ANKRD17: variants seen among roughly 807,000 people sequenced by gnomAD.
ANKRD17 encodes ankyrin repeat domain-containing protein 17.
ANKRD17 carries 19 observed loss-of-function variants against 229.7 expected under a neutral mutation model. The ratio of observed to expected loss-of-function variants is 0.08; its 90% confidence interval spans 0.06 to 0.12. The LOEUF (loss-of-function observed/expected upper bound fraction) is 0.12, where lower values mean the gene tolerates loss of function less well. Ranked by LOEUF, ANKRD17 falls within the 10% of genes least tolerant of loss-of-function variation. The pLI is 1.00. For synonymous variants in ANKRD17, 1,112 were observed against 1,146.1 expected (o/e 0.97, Z 0.60); for missense variants, 2,176 against 3,176.8 (o/e 0.68, Z 7.57).
At chr4:73,250,904 A>C (rs1363171414) in intron 1 of ANKRD17, among the ~76,000 whole-genome samples, 1 of 152,000 alleles carries the variant, frequency 6.6e-6, no homozygotes, top group Non-Finnish European at 1.5e-5. Context: ...CTGATGTTTC[A>C]AATGTAAAAT....
In ANKRD17 at chr4:73,094,186, C is replaced by G. The variant is rs1327569891; in HGVS notation, c.5220G>C (p.Val1740=). 1 of 1,613,740 alleles carries G rather than the reference C, an allele frequency of 6.2e-7. No homozygotes were observed. The highest frequency in any genetic ancestry group is 2.2e-5 in the East Asian group (1 of 44,782). The change falls in exon 28 of 34, where the codon GTG becomes GTC. Residue 1740 remains valine, a synonymous_variant. Coordinates refer to ENST00000358602, the MANE Select transcript of ANKRD17 (RefSeq NM_032217.5). The part of the protein sequence containing the change: ...VSVPSTVISR[V]IGRGGCNINA... The stretch of plus-strand genomic sequence containing the variant: ...TGATATTACAGCCTCCTCTTCCAAT[C>G]ACTCTGGATATCACAGTTGATGGAA...
At chr4:73,092,340 ACTTTT>A (rs1010781902) in intron 28 of ANKRD17, 40 bp from the exon 29 acceptor site, 56 of 1,516,812 alleles carry the variant, frequency 3.7e-5, no homozygotes, top group Non-Finnish European at 4.9e-5. Context: ...AATTTTCCCT[ACTTTT>A]GAGTATGTAA....
At chr4:73,168,371 A>G (rs1248002526) in intron 2 of ANKRD17, among the ~76,000 whole-genome samples, 1 of 152,140 alleles carries the variant, frequency 6.6e-6, no homozygotes, top group African/African-American at 2.4e-5. Flanking sequence ...TGTCTTTAAA[A>G]TGATTATAGA....
At chr4:73,118,968 C>T in intron 21 of ANKRD17, 118 bp from the exon 22 acceptor site, 2 of 1,046,486 alleles carry the variant, frequency 1.9e-6, no homozygotes, top group African/African-American at 1.7e-5. Context: ...CTCACTGCAG[C>T]CTCCACCTCC....
chr4:73,231,793 G>A (rs183575049), intron 1 of ANKRD17, among the ~76,000 whole-genome samples: 2 of 152,232 alleles, frequency 1.3e-5, no homozygotes, highest in African/African-American at 4.8e-5. Flanking sequence ...CTCCAAAAAG[G>A]GGAGAATAAA....
intron 29 of ANKRD17, 51 bp from the exon 30 acceptor site, chr4:73,085,497 T>C (rs781664612): frequency 6.2e-6 from 9 of 1,459,198 alleles, no homozygotes; most frequent in Non-Finnish European, 5.7e-6. Flanking sequence ...CTGCAAGAAA[T>C]AGAGATACCT....
At chr4:73,242,983 G>GTTT (rs1465009552) in intron 1 of ANKRD17, among the ~76,000 whole-genome samples, 4 of 152,168 alleles carry the variant, frequency 2.6e-5, no homozygotes, top group African/African-American at 9.7e-5. Context: ...TGGTGTAAGG[G>GTTT]GAGAAAGTTC....
chr4:73,142,339 C>G lies in ANKRD17; in HGVS notation c.2132G>C (p.Ser711Thr). The G allele has an allele frequency of 6.3e-7, 1 of 1,586,080 alleles. No homozygotes were observed. Among genetic ancestry groups the G allele is most frequent in the Non-Finnish European group, 8.5e-7 (1 of 1,173,866 alleles). Reference sequence around the variant, plus strand: ...ATAATCCAAGAGATAGCAAACAACACTTGTATGGCCACCTTTTGCTGCTTC... The same window carrying G: ...ATAATCCAAGAGATAGCAAACAACAGTTGTATGGCCACCTTTTGCTGCTTC... The part of the protein sequence containing the change: ...LIEAAKGGHT[S>T]VVCYLLDYPN... The change falls in exon 13 of 34, where the codon AGT becomes ACT. Residue 711 changes from serine to threonine, a missense_variant. By Grantham distance (58) the Ser-to-Thr change is moderately conservative. Transcript: ENST00000358602.
At chr4:73,212,461 G>C (rs1382747967) in intron 1 of ANKRD17, among the ~76,000 whole-genome samples, 1 of 152,020 alleles carries the variant, frequency 6.6e-6, no homozygotes, top group Non-Finnish European at 1.5e-5. Flanking sequence ...GATATATGTA[G>C]GGCTTAATCT....
chr4:73,226,678 C>T (rs1742545513), intron 1 of ANKRD17, among the ~76,000 whole-genome samples: 1 of 152,112 alleles, frequency 6.6e-6, no homozygotes, highest in Admixed American at 6.5e-5. Context: ...CAGGCGTGAG[C>T]CACCGCACCT....
At chr4:73,235,496 T>C (rs1046329537) in intron 1 of ANKRD17, among the ~76,000 whole-genome samples, 1 of 152,236 alleles carries the variant, frequency 6.6e-6, no homozygotes, top group Admixed American at 6.5e-5. Context: ...TAAGGGTAGT[T>C]TGACTAATAT....
Position 73,075,602 on chromosome 4 carries a change from G to C in ANKRD17, c.*629C>G, listed in dbSNP as rs1210350013. 1 of 152,202 alleles carries C rather than the reference G, an allele frequency of 6.6e-6. No individual in the cohort carries two copies. The highest frequency in any genetic ancestry group is 1.5e-5 in the Non-Finnish European group (1 of 67,970). 9.4% of individuals were successfully genotyped at this position (152,202 alleles called of 1,614,324 possible). On this transcript the variant is annotated 3_prime_UTR_variant, in exon 34 of 34. Transcript: ENST00000358602. ...AATAAACCAAAAAGAAAGCAAGATG[G>C]GTATTTTAAAAGCCAATGTGGGGAA... is the stretch of plus-strand genomic sequence containing the variant.
chr4:73,236,574 T>G (rs1245134410), intron 1 of ANKRD17, among the ~76,000 whole-genome samples: 1 of 152,162 alleles, frequency 6.6e-6, no homozygotes, highest in African/African-American at 2.4e-5. Flanking sequence ...AAGTAAATGT[T>G]GGAGGAGAAT....
intron 2 of ANKRD17, among the ~76,000 whole-genome samples, chr4:73,174,383 T>A (rs1396676266): frequency 1.3e-5 from 2 of 152,122 alleles, no homozygotes; most frequent in Non-Finnish European, 2.9e-5. Context: ...AATCCAGCCA[T>A]CCCTTTATCA....
At position 73,077,337 on chromosome 4, in the gene ANKRD17, A is replaced by G; in HGVS notation, c.7587+18T>C. On this transcript the variant is annotated intron_variant, in intron 32 of 33. Coordinates refer to ENST00000358602, the MANE Select transcript of ANKRD17 (RefSeq NM_032217.5). Reference sequence around the variant, plus strand: ...GAAAATCCTCCCTTAAATAACTAGTACAAAATCAGGACTTTACCCCAACTT... The same window carrying G: ...GAAAATCCTCCCTTAAATAACTAGTGCAAAATCAGGACTTTACCCCAACTT... The G allele has an allele frequency of 6.3e-7, 1 of 1,589,722 alleles. No homozygotes were observed. The highest frequency in any genetic ancestry group is 8.6e-7 in the Non-Finnish European group (1 of 1,168,724).
At chr4:73,215,875 C>T (rs914151531) in intron 1 of ANKRD17, among the ~76,000 whole-genome samples, 6 of 152,118 alleles carry the variant, frequency 3.9e-5, no homozygotes, top group African/African-American at 1.4e-4. Context: ...TTAGAGACTT[C>T]GACCAAATAA....
At chr4:73,202,390 A>G (rs1738794967) in intron 1 of ANKRD17, among the ~76,000 whole-genome samples, 1 of 149,892 alleles carries the variant, frequency 6.7e-6, no homozygotes, top group Non-Finnish European at 1.5e-5. Context: ...GAAAAAGATC[A>G]GAGTTTAGAG....
chr4:73,229,082 A>C (rs758060703), intron 1 of ANKRD17, among the ~76,000 whole-genome samples: 28 of 152,260 alleles, frequency 1.8e-4, no homozygotes, highest in Non-Finnish European at 2.9e-4. Flanking sequence ...GAATTGAACA[A>C]TGAGAACACT....
At position 73,241,181 on chromosome 4, in the gene ANKRD17, T is replaced by A. The variant is rs527811364; in HGVS notation, c.393+17095A>T. On this transcript the variant is annotated intron_variant, in intron 1 of 33. Coordinates refer to ENST00000358602, the MANE Select transcript of ANKRD17 (RefSeq NM_032217.5). ...TTTATTGTTGTATTGTGGAAATACA[T>A]AAAATAAAGGCATTATTCAAATAAT... 2.6e-5 allele frequency among the ~76,000 whole-genome samples: 4 copies of A among 152,154 alleles called. No homozygotes were observed. The East Asian group carries it at 7.7e-4, about 29-fold the overall frequency.
Sources: allele counts gnomAD v4.1 joint callset (sites outside exome capture counted in the v4.1 genomes callset), GRCh38; gene constraint gnomAD v4.1.1; transcripts MANE v1.5; gene names NCBI Gene and HGNC (gene_info 2026-07-23, HGNC 2026-07-21).